PCDH11X: variants seen among roughly 807,000 people sequenced by gnomAD.
The protein encoded by PCDH11X is protocadherin 11 X-linked.
PCDH11X carries 18 observed loss-of-function variants against 53.3 expected under a neutral mutation model. The observed-to-expected ratio is 0.34, with a 90% CI of 0.23 to 0.50. The LOEUF (loss-of-function observed/expected upper bound fraction) is 0.50. Among genes scored for constraint, PCDH11X ranks in the 20% least tolerant of loss-of-function variants. The probability of loss-of-function intolerance (pLI) is 0.98; values close to 1 mark genes in which losing one functional copy is unlikely to be tolerated. For missense variants in PCDH11X, 570 were observed against 1,032.4 expected, an observed-to-expected ratio of 0.55 and a Z score of 6.14; for synonymous variants, 279 against 393.3, an observed-to-expected ratio of 0.71 and a Z score of 3.44.
chrX:92,523,163 T>C (rs1201854821), intron 10 of PCDH11X, among the ~76,000 whole-genome samples: 1 of 112,345 alleles, frequency 8.9e-6, no homozygotes, highest in East Asian at 2.8e-4. Context: ...CTGTCGTTGC[T>C]ATCCAATGTC....
chrX:92,271,016 G>T (rs2067946086), intron 8 of PCDH11X, among the ~76,000 whole-genome samples: 1 of 111,773 alleles, frequency 8.9e-6, no homozygotes, highest in Non-Finnish European at 1.9e-5. Context: ...ATTCTCTGAA[G>T]CAAAGAAAGA....
chrX:92,293,121 A>G (rs2068525247), intron 8 of PCDH11X, among the ~76,000 whole-genome samples: 1 of 107,999 alleles, frequency 9.3e-6, no homozygotes, highest in South Asian at 4.2e-4. Flanking sequence ...TAAAGTGAGG[A>G]GAAAAATGAA....
chrX:91,959,230 A>G (rs1049644366), intron 6 of PCDH11X, among the ~76,000 whole-genome samples: 2 of 108,645 alleles, frequency 1.8e-5, no homozygotes, highest in Non-Finnish European at 3.8e-5. Context: ...ATATGTGTAC[A>G]TTGTGTGACT....
chrX:92,387,773 T>C lies in PCDH11X; in HGVS notation c.3183T>C (p.Ser1061=). ...TCACATTTCACCTGCCAGAAGGCTC[T>C]CAGGAAAGCAGCAGTGATGGTGGAC... The part of the protein sequence containing the change: ...RRVTFHLPEG[S]QESSSDGGLG... Residue 1061 remains serine (S), a synonymous_variant, in exon 9 of 11, where the codon TCT becomes TCC. Transcript: ENST00000682573. The C allele has an allele frequency of 1.7e-6, 2 of 1,212,106 alleles. No homozygotes were observed.
chrX:91,916,877 C>G (rs1011940225), intron 6 of PCDH11X, among the ~76,000 whole-genome samples: 46 of 110,274 alleles, frequency 4.2e-4, no homozygotes, highest in Non-Finnish European at 8.0e-4. Flanking sequence ...AACTACAGAC[C>G]AATATCCCTG....
chrX:92,192,716 G>A (rs1487122826), intron 6 of PCDH11X, among the ~76,000 whole-genome samples: 1 of 109,848 alleles, frequency 9.1e-6, no homozygotes, highest in Non-Finnish European at 1.9e-5. Context: ...GAGTAGACCC[G>A]GGTTATACAA....
Position 92,453,606 on chromosome X carries a change from C to T in PCDH11X, c.3344-14693C>T, listed in dbSNP as rs1204779279. Among the ~76,000 whole-genome samples the T allele has an allele frequency of 8.1e-5, 9 of 110,910 alleles. 1 individual carries two copies. In the South Asian group the frequency reaches 2.3e-3, roughly 28 times the overall value. On this transcript the variant is annotated intron_variant, in intron 9 of 10. Transcript: ENST00000682573. ...TATGGGTTTTTTTCTTTTTATGGTACGACATACAGTGCTGTGTTTTACTTT... is the reference window on the plus strand; with the variant it reads ...TATGGGTTTTTTTCTTTTTATGGTATGACATACAGTGCTGTGTTTTACTTT...
At chrX:92,075,056 A>G (rs2063754154) in intron 6 of PCDH11X, among the ~76,000 whole-genome samples, 1 of 108,529 alleles carries the variant, frequency 9.2e-6, no homozygotes. Context: ...GAAGCAAAAC[A>G]AAGTTGCACA....
chrX:92,541,865 C>G (rs1389345624), intron 10 of PCDH11X, among the ~76,000 whole-genome samples: 1 of 110,760 alleles, frequency 9.0e-6, no homozygotes, highest in African/African-American at 3.3e-5. Flanking sequence ...AGGAGAATTG[C>G]TTGAACCCAG....
chrX:92,414,931 G>A (rs974347504), intron 9 of PCDH11X, among the ~76,000 whole-genome samples: 1 of 110,237 alleles, frequency 9.1e-6, no homozygotes, highest in African/African-American at 3.3e-5. Flanking sequence ...ATTTTCAGAA[G>A]GTAATTATAT....
intron 6 of PCDH11X, among the ~76,000 whole-genome samples, chrX:92,178,312 G>A (rs1315901610): frequency 9.0e-6 from 1 of 111,219 alleles, no homozygotes; most frequent in Non-Finnish European, 1.9e-5. Context: ...AAACTAGGAT[G>A]GCTGCATTCA....
chrX:92,198,232 C>A (rs372456862), intron 6 of PCDH11X, among the ~76,000 whole-genome samples: 198 of 82,684 alleles, frequency 2.4e-3, no homozygotes, highest in East Asian at 3.0e-3. Flanking sequence ...ACTGTCTCTA[C>A]AAAAAAAAAA....
intron 9 of PCDH11X, among the ~76,000 whole-genome samples, chrX:92,417,349 AT>A (rs1363033341): frequency 9.2e-6 from 1 of 109,058 alleles, no homozygotes; most frequent in African/African-American, 3.3e-5. Flanking sequence ...AATCAGTACT[AT>A]TTTTTTTTGA....
At chrX:92,140,417 A>G (rs981913161) in intron 6 of PCDH11X, among the ~76,000 whole-genome samples, 40 of 110,946 alleles carry the variant, frequency 3.6e-4, no homozygotes, top group Non-Finnish European at 6.8e-4. Flanking sequence ...TTTGTAAATG[A>G]CTAGTAGCTA....
intron 7 of PCDH11X, among the ~76,000 whole-genome samples, chrX:92,222,185 T>C (rs1304190255): frequency 9.0e-6 from 1 of 110,789 alleles, no homozygotes; most frequent in Non-Finnish European, 1.9e-5. Flanking sequence ...GGGAGCTCTT[T>C]GGTGTGATGT....
intron 6 of PCDH11X, among the ~76,000 whole-genome samples, chrX:92,076,893 C>T (rs1271823838): frequency 3.6e-5 from 4 of 112,117 alleles, no homozygotes; most frequent in African/African-American, 1.3e-4. Context: ...TTAGACCTAG[C>T]ATGCTGGAAG....
At chrX:92,285,557 G>A (rs1243569287) in intron 8 of PCDH11X, among the ~76,000 whole-genome samples, 1 of 111,476 alleles carries the variant, frequency 9.0e-6, no homozygotes, top group East Asian at 2.8e-4. Context: ...TCAGCCTGTA[G>A]AAAATTTTTA....
intron 10 of PCDH11X, among the ~76,000 whole-genome samples, chrX:92,615,679 G>C (rs982421163): frequency 9.0e-6 from 1 of 111,228 alleles, no homozygotes; most frequent in African/African-American, 3.3e-5. Context: ...GATTTTGTAT[G>C]TGCCTGGATT....
chrX:91,797,295 C>CTACTTTTGTTG (rs1457627863), intron 1 of PCDH11X, among the ~76,000 whole-genome samples: 1 of 108,255 alleles, frequency 9.2e-6, no homozygotes, highest in African/African-American at 3.4e-5. Context: ...TTTGATAATT[C>CTACTTTTGTTG]TACTTTTGTT....
Sources: gnomAD v4.1 joint callset for allele counts (sites outside exome capture counted in the v4.1 genomes callset) on GRCh38, gnomAD v4.1.1 for gene constraint, MANE v1.5 for transcripts, NCBI Gene and HGNC (gene_info 2026-07-23, HGNC 2026-07-21) for gene names.